OSBPL6: variants seen among roughly 807,000 people sequenced by gnomAD.
OSBPL6 encodes oxysterol binding protein like 6.
OSBPL6 carries 49 observed loss-of-function variants against 125.8 expected under a neutral mutation model. The observed-to-expected ratio is 0.39, with a 90% CI of 0.31 to 0.49. OSBPL6 has a LOEUF of 0.49. Ranked by LOEUF, OSBPL6 falls within the 20% of genes least tolerant of loss-of-function variation. OSBPL6 has a pLI of 0.88. For missense variants in OSBPL6, 986 were observed against 1,135.4 expected (o/e 0.87, Z 1.89); for synonymous variants, 394 against 391.8 (o/e 1.01, Z -0.07).
Position 178,382,472 on chromosome 2 carries a change from A to G in OSBPL6, c.1586A>G (p.Asp529Gly). 6.2e-7 allele frequency: 1 copy of G among 1,613,968 alleles called. No homozygotes were observed. Among genetic ancestry groups the G allele is most frequent in the East Asian group, 2.2e-5 (1 of 44,874 alleles). ...GATGTGAGTGATAATATATCTGAAG[A>G]CAACACCAGTGTTGCAGACAATATT... ...ISDVSDNISE[D>G]NTSVADNISR... is the part of the protein sequence containing the mutation. Residue 529 changes from aspartate to glycine, a missense_variant, in exon 16 of 25, where the codon GAC becomes GGC. Asp to Gly is a moderately conservative substitution (Grantham distance 94, BLOSUM62 -1). Transcript: ENST00000190611.
chr2:178,231,692 G>T (rs2090829544), intron 1 of OSBPL6, among the ~76,000 whole-genome samples: 1 of 134,806 alleles, frequency 7.4e-6, no homozygotes, highest in African/African-American at 3.0e-5. Flanking sequence ...TGTCACATAG[G>T]CTGGAGTTAA....
rs1227200166 is a variant in OSBPL6, at chr2:178,401,032, C to T, written c.*5473C>T. On this transcript the variant is annotated 3_prime_UTR_variant, in exon 25 of 25. Transcript: ENST00000190611. The stretch of plus-strand genomic sequence containing the variant: ...ATTTAGATTTGAAATGCTTAGAAAA[C>T]AATCATTTATTTTTTTATGTCAAAA... 2.6e-5 allele frequency: 4 copies of T among 152,180 alleles called. No individual in the cohort carries two copies. The highest frequency in any genetic ancestry group is 6.5e-5 in the Admixed American group (1 of 15,280). 9.4% of individuals were successfully genotyped at this position (152,180 alleles called of 1,614,324 possible). A position where few individuals can be genotyped will look rare whatever the true frequency, so the allele number is the denominator to read the frequency against.
chr2:178,246,876 G>A (rs147165989), intron 1 of OSBPL6, among the ~76,000 whole-genome samples: 92 of 152,136 alleles, frequency 6.0e-4, no homozygotes, highest in Non-Finnish European at 1.0e-3. Context: ...ACTTGCCTTC[G>A]TCACAGGGAC....
At chr2:178,216,696 G>T (rs540265374) in intron 1 of OSBPL6, among the ~76,000 whole-genome samples, 3 of 152,266 alleles carry the variant, frequency 2.0e-5, no homozygotes, top group African/African-American at 7.2e-5. Context: ...GTCTCATAGT[G>T]TTTCTCTACA....
At position 178,277,391 on chromosome 2, in the gene OSBPL6, G is replaced by GA. The variant is rs998009235; in HGVS notation, c.-350-7529dup. ...ATTAACAATACTCTTTAATTTGGGG[G>GA]AAAAAAATCTTTGAATGGTTAATAA... On this transcript the variant is annotated intron_variant, in intron 1 of 24. Transcript: ENST00000190611. 5.9e-5 allele frequency among the ~76,000 whole-genome samples: 9 copies of GA among 152,146 alleles called. No individual in the cohort carries two copies. In the South Asian group the frequency reaches 1.2e-3, roughly 21 times the overall value.
chr2:178,242,794 T>C (rs2091343391), intron 1 of OSBPL6, among the ~76,000 whole-genome samples: 1 of 152,140 alleles, frequency 6.6e-6, no homozygotes, highest in African/African-American at 2.4e-5. Context: ...AAAGAAATGG[T>C]GGATGACCTC....
At chr2:178,327,461 G>T (rs115309475) in intron 4 of OSBPL6, among the ~76,000 whole-genome samples, 22,066 of 152,176 alleles carry the variant, frequency 0.15, 1,790 homozygotes, top group Admixed American at 0.23. Flanking sequence ...AACAGAGAGA[G>T]AGCTCTAATG....
intron 11 of OSBPL6, among the ~76,000 whole-genome samples, chr2:178,345,086 A>C (rs1473819468): frequency 6.6e-6 from 1 of 152,214 alleles, no homozygotes; most frequent in East Asian, 1.9e-4. Flanking sequence ...TACAGAATAT[A>C]AAATAGACTA....
intron 2 of OSBPL6, among the ~76,000 whole-genome samples, chr2:178,286,973 G>A (rs1242972501): frequency 1.8e-3 from 2 of 1,114 alleles, no homozygotes; most frequent in African/African-American, 2.5e-3. Context: ...AAATTCATGC[G>A]TAATGTTTCT....
chr2:178,320,657 A>G (rs1228389450), intron 3 of OSBPL6, among the ~76,000 whole-genome samples: 1 of 152,256 alleles, frequency 6.6e-6, no homozygotes, highest in African/African-American at 2.4e-5. Flanking sequence ...ACCACAAATT[A>G]TGATCTTAAA....
At chr2:178,295,274 T>A (rs1434007378) in intron 2 of OSBPL6, among the ~76,000 whole-genome samples, 3 of 152,190 alleles carry the variant, frequency 2.0e-5, no homozygotes, top group Non-Finnish European at 4.4e-5. Flanking sequence ...TAATCTACAG[T>A]CTTTGAAAGT....
chr2:178,320,911 G>A (rs1688181475), intron 3 of OSBPL6, among the ~76,000 whole-genome samples: 1 of 152,168 alleles, frequency 6.6e-6, no homozygotes, highest in Non-Finnish European at 1.5e-5. Flanking sequence ...TGTAATCTCA[G>A]CACTTTGGGA....
At chr2:178,204,462 C>G (rs1490879773) in intron 1 of OSBPL6, among the ~76,000 whole-genome samples, 1 of 152,200 alleles carries the variant, frequency 6.6e-6, no homozygotes, top group Non-Finnish European at 1.5e-5. Context: ...TGGGTTCCCC[C>G]TCCCTGTGCC....
chr2:178,383,767 T>A (rs569140475), intron 17 of OSBPL6, among the ~76,000 whole-genome samples: 16 of 152,348 alleles, frequency 1.1e-4, no homozygotes, highest in Middle Eastern at 3.4e-3. Flanking sequence ...TTTCAGAACC[T>A]TTGAACTCTG....
chr2:178,305,254 C>G (rs974511588), intron 2 of OSBPL6, among the ~76,000 whole-genome samples: 4 of 152,100 alleles, frequency 2.6e-5, no homozygotes, highest in Non-Finnish European at 4.4e-5. Flanking sequence ...TAGTGCTTAC[C>G]TTTTAACATT....
At chr2:178,324,673 TA>T (rs1415629109) in intron 4 of OSBPL6, among the ~76,000 whole-genome samples, 1 of 152,242 alleles carries the variant, frequency 6.6e-6, no homozygotes, top group East Asian at 1.9e-4. Context: ...GAGAAGTATT[TA>T]AATCTATTAT....
intron 1 of OSBPL6, among the ~76,000 whole-genome samples, chr2:178,253,712 C>T (rs1176694185): frequency 6.6e-6 from 1 of 152,092 alleles, no homozygotes; most frequent in Non-Finnish European, 1.5e-5. Context: ...GTTGATTTTA[C>T]CTATCATTGT....
chr2:178,282,443 T>C (rs1185910315), intron 1 of OSBPL6, among the ~76,000 whole-genome samples: 1 of 152,286 alleles, frequency 6.6e-6, no homozygotes, highest in South Asian at 2.1e-4. Flanking sequence ...ACCTTCCCAC[T>C]TGTTATTTTA....
chr2:178,291,488 T>G (rs998016166), intron 2 of OSBPL6, among the ~76,000 whole-genome samples: 1 of 152,152 alleles, frequency 6.6e-6, no homozygotes, highest in Non-Finnish European at 1.5e-5. Context: ...TTTTATTGCT[T>G]CTTCTTTTTA....
Sources: gnomAD v4.1 joint callset for allele counts (sites outside exome capture counted in the v4.1 genomes callset) on GRCh38, gnomAD v4.1.1 for gene constraint, MANE v1.5 for transcripts, NCBI Gene and HGNC (gene_info 2026-07-23, HGNC 2026-07-21) for gene names.